Variants in SPPL2A observed in about 807,000 individuals in gnomAD.
The protein encoded by SPPL2A is signal peptide peptidase like 2A, also known as signal peptide peptidase-like 2A.
A neutral mutation model predicts 63.8 loss-of-function variants in SPPL2A; 51 were observed. That is an observed-to-expected ratio of 0.80 (90% CI 0.64 to 1.01). The LOEUF (loss-of-function observed/expected upper bound fraction) is 1.01, where lower values mean the gene tolerates loss of function less well. SPPL2A is among the 50% of genes least tolerant of loss of function. The pLI is 0.00. For synonymous variants in SPPL2A, 188 were observed against 205.8 expected, an observed-to-expected ratio of 0.91 and a Z score of 0.74; for missense variants, 553 against 622.7, an observed-to-expected ratio of 0.89 and a Z score of 1.19.
intron 1 of SPPL2A, among the ~76,000 whole-genome samples, chr15:50,755,182 G>A (rs1352085130): frequency 6.6e-6 from 1 of 151,708 alleles, no homozygotes; most frequent in African/African-American, 2.4e-5. Context: ...GCCAAGCGTG[G>A]TGGCACGTGC....
At chr15:50,731,174 T>C (rs2062727759) in intron 9 of SPPL2A, 135 bp from the exon 10 acceptor site, 1 of 492,290 alleles carries the variant, frequency 2.0e-6, no homozygotes, top group Non-Finnish European at 3.7e-6. Flanking sequence ...TTATGGTTAA[T>C]ACTATGTATA....
chr15:50,716,091 T>C (rs749993989), intron 14 of SPPL2A, among the ~76,000 whole-genome samples: 7 of 152,330 alleles, frequency 4.6e-5, no homozygotes, highest in Non-Finnish European at 8.8e-5. Context: ...GAAATTCACT[T>C]AAACCTTAAC....
rs1471618960 is a variant in SPPL2A, at chr15:50,704,141, G to A, written c.*3659C>T. The A allele has an allele frequency of 1.3e-5, 2 of 151,932 alleles. No homozygotes were observed. Among genetic ancestry groups the A allele is most frequent in the African/African-American group, 2.4e-5 (1 of 41,360 alleles). The allele number at this position is 151,932 out of a possible 1,614,324, so 9.4% of individuals were successfully genotyped here. A position where few individuals can be genotyped will look rare whatever the true frequency, so the allele number is the denominator to read the frequency against. ...GCGGATCACCTCAGGTTGGGAGTTC[G>A]AGACCAGCCTGATCAACATGGAGAA... is the stretch of plus-strand genomic sequence containing the variant. On this transcript the variant is annotated 3_prime_UTR_variant, in exon 15 of 15. Transcript: ENST00000261854.
Position 50,757,089 on chromosome 15 carries a change from C to CTTTTTTTTTTT in SPPL2A, c.67-7354_67-7344dup, listed in dbSNP as rs57100103. On this transcript the variant is annotated intron_variant, in intron 1 of 14. Coordinates refer to ENST00000261854, the MANE Select transcript of SPPL2A (RefSeq NM_032802.4). ...GTTCCTCCCACATCCTAAATCCTTT[C>CTTTTTTTTTTT]TTTTTTTTTTTGAGACAGAGTCTCA... 4.7e-5 allele frequency among the ~76,000 whole-genome samples: 6 copies of CTTTTTTTTTTT among 128,384 alleles called. 1 individual carries two copies. The highest frequency in any genetic ancestry group is 9.7e-5 in the Non-Finnish European group (6 of 61,670). 84.2% of individuals were successfully genotyped at this position (128,384 alleles called of 152,430 possible).
At chr15:50,750,369 C>T (rs1345447986) in intron 1 of SPPL2A, among the ~76,000 whole-genome samples, 1 of 152,084 alleles carries the variant, frequency 6.6e-6, no homozygotes, top group African/African-American at 2.4e-5. Flanking sequence ...TGTGAACCAC[C>T]GCACCTGGCC....
chr15:50,708,614 G>A (rs1302250310), intron 14 of SPPL2A, among the ~76,000 whole-genome samples: 1 of 151,324 alleles, frequency 6.6e-6, no homozygotes, highest in East Asian at 1.9e-4. Context: ...GCTGAGGCAG[G>A]AGAATTGCTT....
chr15:50,764,682 C>T (rs1303058011), intron 1 of SPPL2A: 1 of 152,152 alleles, frequency 6.6e-6, no homozygotes, highest in African/African-American at 2.4e-5. Context: ...GTTCCTGACA[C>T]CCCACTCCCA....
intron 11 of SPPL2A, 167 bp downstream of exon 11, chr15:50,726,154 T>C (rs1567154446): frequency 6.6e-7 from 1 of 1,520,820 alleles, no homozygotes; most frequent in Non-Finnish European, 8.9e-7. Context: ...TCAATAGGTA[T>C]TTAATAATTT....
intron 1 of SPPL2A, among the ~76,000 whole-genome samples, chr15:50,758,395 T>C (rs1567168535): frequency 1.3e-5 from 2 of 151,140 alleles, no homozygotes. Context: ...TGCAGTGGCG[T>C]GATCTAGGCT....
chr15:50,709,557 C>T (rs923527873), intron 14 of SPPL2A, among the ~76,000 whole-genome samples: 9 of 152,004 alleles, frequency 5.9e-5, no homozygotes, highest in African/African-American at 1.7e-4. Context: ...TTTGGGAGGC[C>T]GATGCAGGTG....
At position 50,703,868 on chromosome 15, in the gene SPPL2A, A is replaced by C. The variant is rs977234478; in HGVS notation, c.*3932T>G. On this transcript the variant is annotated 3_prime_UTR_variant, in exon 15 of 15. Coordinates refer to ENST00000261854, the MANE Select transcript of SPPL2A (RefSeq NM_032802.4). ...AAAATAGTAATTTTTGCTTATACTAAAGCATAAATTGAAAGAGCAAAGAAA... is the reference window on the plus strand; with the variant it reads ...AAAATAGTAATTTTTGCTTATACTACAGCATAAATTGAAAGAGCAAAGAAA... 2.0e-5 allele frequency: 3 copies of C among 152,122 alleles called. No individual in the cohort carries two copies. The highest frequency in any genetic ancestry group is 4.4e-5 in the Non-Finnish European group (3 of 68,030). 9.4% of individuals were successfully genotyped at this position (152,122 alleles called of 1,614,324 possible).
chr15:50,754,969 T>G (rs1206223034), intron 1 of SPPL2A, among the ~76,000 whole-genome samples: 5 of 140,442 alleles, frequency 3.6e-5, no homozygotes, highest in Non-Finnish European at 7.7e-5. Flanking sequence ...GCAACAAGAG[T>G]GAAACTCGGT....
At position 50,736,640 on chromosome 15, in the gene SPPL2A, G is replaced by T; in HGVS notation, c.830+4C>A. ...TTATAAGATTTCCTGTAAGAGATAC[G>T]TACGTGCATTGTCCATATGGTATCT... On this transcript the variant is annotated splice_donor_region_variant and intron_variant, in intron 7 of 14. Coordinates refer to ENST00000261854, the MANE Select transcript of SPPL2A (RefSeq NM_032802.4). 2 of 1,480,592 alleles carry T rather than the reference G, an allele frequency of 1.4e-6. No individual in the cohort carries two copies. Among genetic ancestry groups the T allele is most frequent in the Non-Finnish European group, 1.9e-6 (2 of 1,065,974 alleles). 91.7% of individuals were successfully genotyped at this position (1,480,592 alleles called of 1,614,324 possible). A position where few individuals can be genotyped will look rare whatever the true frequency, so the allele number is the denominator to read the frequency against.
intron 13 of SPPL2A, among the ~76,000 whole-genome samples, 171 bp downstream of exon 13, chr15:50,721,953 C>T (rs1464984130): frequency 6.6e-6 from 1 of 151,940 alleles, no homozygotes; most frequent in Non-Finnish European, 1.5e-5. Flanking sequence ...TGCCCAGGCT[C>T]ATCTAGAACT....
At chr15:50,747,746 C>A in intron 4 of SPPL2A, 118 bp from the exon 5 acceptor site, 1 of 708,010 alleles carries the variant, frequency 1.4e-6, no homozygotes, top group East Asian at 2.6e-5. Flanking sequence ...GTCAAGAAGA[C>A]TAGAATTATT....
intron 1 of SPPL2A, among the ~76,000 whole-genome samples, chr15:50,754,550 T>C (rs185007579): frequency 3.8e-4 from 58 of 152,316 alleles, no homozygotes; most frequent in Admixed American, 6.5e-4. Context: ...ATGCAAATTA[T>C]ACGTCAATAA....
At position 50,732,658 on chromosome 15, in the gene SPPL2A, A is replaced by G. The variant is rs1187328801; in HGVS notation, c.959T>C (p.Leu320Ser). The change falls in exon 9 of 15, where the codon TTG becomes TCG. Residue 320 changes from leucine to serine, a missense_variant. Coordinates refer to ENST00000261854, the MANE Select transcript of SPPL2A (RefSeq NM_032802.4). ...TAAATTCAGACAGAAAGCAATCCCC[A>G]AGATATCCTGTAAAATCCAAGCCCA... ...DRWAWILQDI[L>S]GIAFCLNLIK... is the part of the protein sequence containing the mutation. 9 of 1,611,266 alleles carry G rather than the reference A, an allele frequency of 5.6e-6. No homozygotes were observed. Among genetic ancestry groups the G allele is most frequent in the Non-Finnish European group, 6.8e-6 (8 of 1,177,874 alleles).
chr15:50,759,991 T>C (rs1200487513), intron 1 of SPPL2A, among the ~76,000 whole-genome samples: 1 of 152,124 alleles, frequency 6.6e-6, no homozygotes, highest in East Asian at 1.9e-4. Flanking sequence ...CACAGACAGT[T>C]CAGAGGCAAG....
chr15:50,760,593 A>G (rs1352338052), intron 1 of SPPL2A, among the ~76,000 whole-genome samples: 1 of 152,028 alleles, frequency 6.6e-6, no homozygotes, highest in East Asian at 1.9e-4. Context: ...TAATCCTATC[A>G]TGAGGGTCCC....
Sources: allele counts gnomAD v4.1 joint callset (sites outside exome capture counted in the v4.1 genomes callset), GRCh38; gene constraint gnomAD v4.1.1; transcripts MANE v1.5; gene names NCBI Gene and HGNC (gene_info 2026-07-23, HGNC 2026-07-21).